The following SPAG16 variants were observed in gnomAD, a reference collection of about 807,000 sequenced individuals.
SPAG16 encodes sperm-associated antigen 16 protein.
In SPAG16, 86 loss-of-function variants were observed where a neutral mutation model predicts 80.4. The ratio of observed to expected loss-of-function variants is 1.07; its 90% CI spans 0.90 to 1.28. The LOEUF is 1.28. Among genes scored for constraint, SPAG16 ranks in the 50% most tolerant of loss-of-function variants. The pLI, the probability that SPAG16 is intolerant of heterozygous loss-of-function variation, is 0.00. For synonymous variants in SPAG16, 294 were observed against 265.9 expected (o/e 1.11, Z -1.03); for missense variants, 870 against 765.3 (o/e 1.14, Z -1.61).
chr2:213,377,100 T>G (rs2066915607), intron 9 of SPAG16, among the ~76,000 whole-genome samples: 1 of 152,228 alleles, frequency 6.6e-6, no homozygotes, highest in African/African-American at 2.4e-5. Context: ...GAAATATTCT[T>G]GTTCTACCTT....
intron 15 of SPAG16, among the ~76,000 whole-genome samples, chr2:214,222,430 C>T (rs141642898): frequency 3.3e-5 from 5 of 152,224 alleles, no homozygotes; most frequent in Non-Finnish European, 7.4e-5. Flanking sequence ...TATTCTTGAG[C>T]ACATTGTAGT....
At chr2:214,187,067 A>G (rs2057501717) in intron 15 of SPAG16, among the ~76,000 whole-genome samples, 2 of 152,118 alleles carry the variant, frequency 1.3e-5, no homozygotes, top group Non-Finnish European at 2.9e-5. Context: ...CCTGGCTGCA[A>G]GTAGTTTCAA....
chr2:214,156,329 A>G (rs1210933993), intron 15 of SPAG16, among the ~76,000 whole-genome samples: 1 of 152,158 alleles, frequency 6.6e-6, no homozygotes, highest in African/African-American at 2.4e-5. Flanking sequence ...TTTAGTTGTC[A>G]CCACAACTCA....
At chr2:213,691,354 C>A (rs1313362377) in intron 10 of SPAG16, among the ~76,000 whole-genome samples, 1 of 152,142 alleles carries the variant, frequency 6.6e-6, no homozygotes, top group East Asian at 1.9e-4. Flanking sequence ...TGCTTAAATG[C>A]TAGCTGTCAG....
At chr2:214,329,587 T>G (rs1325543630) in intron 15 of SPAG16, among the ~76,000 whole-genome samples, 1 of 152,166 alleles carries the variant, frequency 6.6e-6, no homozygotes, top group East Asian at 1.9e-4. Flanking sequence ...ATACAAATGT[T>G]TCTAGAATCT....
chr2:213,462,441 A>G (rs559222861), intron 9 of SPAG16, among the ~76,000 whole-genome samples: 1 of 152,230 alleles, frequency 6.6e-6, no homozygotes, highest in Non-Finnish European at 1.5e-5. Flanking sequence ...TTGTATTTGG[A>G]GGAGATCACA....
chr2:214,041,627 G>A (rs1323162914), intron 13 of SPAG16, among the ~76,000 whole-genome samples: 4 of 151,016 alleles, frequency 2.6e-5, no homozygotes, highest in African/African-American at 9.7e-5. Context: ...TTTCTCTCTC[G>A]CTTCTTTTTC....
intron 13 of SPAG16, among the ~76,000 whole-genome samples, chr2:214,053,327 T>G (rs981843239): frequency 2.0e-5 from 3 of 152,162 alleles, no homozygotes; most frequent in South Asian, 2.1e-4. Flanking sequence ...AATTAAACAT[T>G]CTTCAGTTAT....
chr2:214,126,065 T>C (rs2054480784), intron 14 of SPAG16, among the ~76,000 whole-genome samples: 1 of 135,348 alleles, frequency 7.4e-6, no homozygotes, highest in Non-Finnish European at 1.6e-5. Flanking sequence ...CTTCCTTTTT[T>C]TTTTTTTTTT....
chr2:213,448,492 T>G (rs1390283407), intron 9 of SPAG16, among the ~76,000 whole-genome samples: 1 of 152,192 alleles, frequency 6.6e-6, no homozygotes, highest in Non-Finnish European at 1.5e-5. Context: ...GAATCATGTT[T>G]CTCTGTTTAA....
intron 15 of SPAG16, among the ~76,000 whole-genome samples, chr2:214,352,720 T>A (rs1382450262): frequency 6.6e-6 from 1 of 152,192 alleles, no homozygotes; most frequent in Non-Finnish European, 1.5e-5. Context: ...TAAATCTATG[T>A]GCTTTGGTCA....
At chr2:213,309,929 T>A (rs776720779) in intron 3 of SPAG16, 130 bp from the exon 4 acceptor site, 2 of 583,920 alleles carry the variant, frequency 3.4e-6, no homozygotes, top group Non-Finnish European at 6.0e-6. Context: ...TAATGGTTCC[T>A]GGCATATAAC....
At chr2:213,536,991 G>C (rs988322736) in intron 10 of SPAG16, among the ~76,000 whole-genome samples, 11 of 151,930 alleles carry the variant, frequency 7.2e-5, no homozygotes, top group African/African-American at 2.7e-4. Flanking sequence ...CCATAAAAAA[G>C]ATGAGTTCAT....
At chr2:214,129,387 T>C (rs1576299340) in intron 14 of SPAG16, among the ~76,000 whole-genome samples, 1 of 152,212 alleles carries the variant, frequency 6.6e-6, no homozygotes, top group East Asian at 1.9e-4. Flanking sequence ...TTGCCCTTTG[T>C]TACCTAATAT....
intron 10 of SPAG16, among the ~76,000 whole-genome samples, chr2:213,513,482 C>G (rs1206745547): frequency 1.3e-5 from 2 of 151,990 alleles, no homozygotes; most frequent in Non-Finnish European, 2.9e-5. Context: ...GATAGCTTTT[C>G]TGAGCATCTT....
chr2:213,336,104 T>TC (rs1018605157), intron 5 of SPAG16, among the ~76,000 whole-genome samples: 11 of 152,034 alleles, frequency 7.2e-5, no homozygotes, highest in Non-Finnish European at 1.3e-4. Context: ...GGAAGCTTTC[T>TC]CCCCCAGCCA....
chr2:213,504,330 G>A (rs1303661773), intron 10 of SPAG16, among the ~76,000 whole-genome samples: 1 of 152,078 alleles, frequency 6.6e-6, no homozygotes, highest in Admixed American at 6.6e-5. Flanking sequence ...CTGGGTCCCT[G>A]GTTATGGTAA....
At chr2:213,789,721 A>G (rs2070570688) in intron 10 of SPAG16, among the ~76,000 whole-genome samples, 1 of 151,926 alleles carries the variant, frequency 6.6e-6, no homozygotes, top group Non-Finnish European at 1.5e-5. Context: ...CTTTGTCCGT[A>G]AGCTCTATGA....
At position 213,572,584 on chromosome 2, in the gene SPAG16, A is replaced by T. The variant is rs191851161; in HGVS notation, c.1070+82494A>T. ...GAGTCAGGGACCCACTTGAGGAGGC[A>T]GTCGGCGGGTTCTCAGATCTCCAGC... On this transcript the variant is annotated intron_variant, in intron 10 of 15. Coordinates refer to ENST00000331683, the MANE Select transcript of SPAG16 (RefSeq NM_024532.5). 1.3e-3 allele frequency among the ~76,000 whole-genome samples: 198 copies of T among 152,286 alleles called. 6 individuals carry two copies. In the East Asian group the frequency reaches 0.027, roughly 21 times the overall value.
Sources: gnomAD v4.1 joint callset for allele counts (sites outside exome capture counted in the v4.1 genomes callset) on GRCh38, gnomAD v4.1.1 for gene constraint, MANE v1.5 for transcripts, NCBI Gene and HGNC (gene_info 2026-07-23, HGNC 2026-07-21) for gene names.